The following STK4 variants were observed in gnomAD, a reference collection of about 807,000 sequenced individuals.
The protein encoded by STK4 is serine/threonine-protein kinase 4.
A neutral mutation model predicts 64.9 loss-of-function variants in STK4; 30 were observed. The ratio of observed to expected loss-of-function variants is 0.46; its 90% confidence interval spans 0.35 to 0.63. The LOEUF (loss-of-function observed/expected upper bound fraction) is 0.63. STK4 is among the 20% of genes least tolerant of loss of function. The pLI, the probability that STK4 is intolerant of heterozygous loss-of-function variation, is 0.01. For missense variants in STK4, 466 were observed against 598.5 expected, an observed-to-expected ratio of 0.78 and a Z score of 2.31; for synonymous variants, 177 against 199.0, an observed-to-expected ratio of 0.89 and a Z score of 0.93.
chr20:45,054,761 G>T (rs564305933), intron 10 of STK4, among the ~76,000 whole-genome samples: 20 of 152,160 alleles, frequency 1.3e-4, no homozygotes, highest in Admixed American at 7.2e-4. Context: ...AAGAGCAAAT[G>T]AGATTAATAC....
At chr20:44,973,737 G>T (rs2067291722) in intron 2 of STK4, among the ~76,000 whole-genome samples, 1 of 152,260 alleles carries the variant, frequency 6.6e-6, no homozygotes, top group East Asian at 1.9e-4. Flanking sequence ...CTATTTTGGA[G>T]GCTCACAATC....
chr20:45,057,998 T>G (rs1978637293), intron 10 of STK4, among the ~76,000 whole-genome samples: 1 of 151,826 alleles, frequency 6.6e-6, no homozygotes, highest in Non-Finnish European at 1.5e-5. Context: ...TTTTTTAGAG[T>G]CTTCAACCAG....
chr20:45,000,256 T>G (rs752172850), intron 7 of STK4, 136 bp from the exon 8 acceptor site: 16 of 1,194,906 alleles, frequency 1.3e-5, no homozygotes, highest in Non-Finnish European at 1.8e-5. Context: ...TTAGCTGTTG[T>G]CCGAAGCACA....
intron 9 of STK4, among the ~76,000 whole-genome samples, chr20:45,022,141 T>C (rs550657145): frequency 6.6e-6 from 1 of 152,330 alleles, no homozygotes; most frequent in African/African-American, 2.4e-5. Flanking sequence ...AAATCAACTT[T>C]AGCTTTTTGG....
intron 10 of STK4, among the ~76,000 whole-genome samples, chr20:45,043,697 A>G (rs974884294): frequency 2.0e-5 from 3 of 152,240 alleles, no homozygotes; most frequent in Non-Finnish European, 4.4e-5. Flanking sequence ...TTCAAATTTC[A>G]TATTTTTGGA....
At chr20:45,068,103 AC>A (rs1472205163) in intron 10 of STK4, among the ~76,000 whole-genome samples, 1 of 152,200 alleles carries the variant, frequency 6.6e-6, no homozygotes, top group Non-Finnish European at 1.5e-5. Context: ...TCCAAACCTC[AC>A]AACCGCTGTT....
At chr20:45,012,984 A>T (rs568543415) in intron 9 of STK4, among the ~76,000 whole-genome samples, 36 of 108,064 alleles carry the variant, frequency 3.3e-4, no homozygotes, top group African/African-American at 1.3e-3. Context: ...TTTTTTATAG[A>T]GATGGGATCT....
rs181602684 is a variant in STK4 at position 45,077,787 on chromosome 20, G to C, written c.*2611G>C. 6.6e-6 allele frequency: 1 copy of C among 152,196 alleles called. No individual in the cohort carries two copies. The highest frequency in any genetic ancestry group is 1.5e-5 in the Non-Finnish European group (1 of 68,038). 9.4% of individuals were successfully genotyped at this position (152,196 alleles called of 1,614,324 possible). A position where few individuals can be genotyped will look rare whatever the true frequency, so the allele number is the denominator to read the frequency against. ...CTAGATCCAAATAAAAGAAAGTTCA[G>C]TTTTCCCCCATAACTATTCTTGGGT... On this transcript the variant is annotated 3_prime_UTR_variant, in exon 11 of 11. Transcript: ENST00000372806.
At chr20:45,044,466 T>C (rs1172325237) in intron 10 of STK4, among the ~76,000 whole-genome samples, 1 of 151,992 alleles carries the variant, frequency 6.6e-6, no homozygotes, top group African/African-American at 2.4e-5. Context: ...GGCAACATAG[T>C]GAGACCCCAT....
intron 10 of STK4, among the ~76,000 whole-genome samples, chr20:45,043,217 G>GTA (rs967135267): frequency 2.0e-5 from 3 of 151,982 alleles, no homozygotes; most frequent in African/African-American, 7.3e-5. Flanking sequence ...ATATTCCATG[G>GTA]TATATATATA....
intron 10 of STK4, among the ~76,000 whole-genome samples, chr20:45,054,491 G>A (rs1978319822): frequency 6.7e-6 from 1 of 149,394 alleles, no homozygotes; most frequent in Admixed American, 6.7e-5. Context: ...TGAACCCGGA[G>A]TTTGAGGCTG....
Position 45,074,923 on chromosome 20 carries a change from CCCTT to C in STK4, c.1306-92_1306-89del. The C allele has an allele frequency of 2.7e-6, 4 of 1,470,478 alleles. 1 individual carries two copies. Among genetic ancestry groups the C allele is most frequent in the Middle Eastern group, 3.9e-4 (2 of 5,130 alleles). 91.1% of individuals were successfully genotyped at this position (1,470,478 alleles called of 1,614,324 possible). ...TGACCACAGTGTCTTCCTCCTGTCT[CCCTT>C]CCCTCTGGGTGCCTGGGAAGGCTGG... On this transcript the variant is annotated intron_variant, in intron 10 of 10. Transcript: ENST00000372806.
At chr20:44,987,874 T>A (rs1162012768) in intron 5 of STK4, among the ~76,000 whole-genome samples, 1 of 152,078 alleles carries the variant, frequency 6.6e-6, no homozygotes, top group East Asian at 1.9e-4. Flanking sequence ...GCAGGTATAC[T>A]CTAAAATTTG....
At chr20:45,024,714 C>T (rs1328306786) in intron 9 of STK4, among the ~76,000 whole-genome samples, 1 of 152,158 alleles carries the variant, frequency 6.6e-6, no homozygotes, top group African/African-American at 2.4e-5. Flanking sequence ...CAAATCTTTC[C>T]ATTTAGAAAG....
intron 9 of STK4, chr20:45,007,656 CAT>C (rs1290370262): frequency 7.5e-6 from 2 of 266,902 alleles, no homozygotes; most frequent in African/African-American, 4.5e-5. Flanking sequence ...GCGTTAGATC[CAT>C]AATAGAAAAC....
At chr20:45,074,222 C>A (rs886286568) in intron 10 of STK4, among the ~76,000 whole-genome samples, 1 of 152,158 alleles carries the variant, frequency 6.6e-6, no homozygotes, top group African/African-American at 2.4e-5. Flanking sequence ...GTCCTTGTAG[C>A]ATGGGTTGCT....
intron 9 of STK4, among the ~76,000 whole-genome samples, chr20:45,007,392 C>T (rs2067966208): frequency 1.3e-5 from 2 of 152,126 alleles, no homozygotes; most frequent in South Asian, 4.2e-4. Flanking sequence ...CTTAAGAATA[C>T]AAAAATTAGC....
At chr20:45,016,033 C>G (rs1448056286) in intron 9 of STK4, among the ~76,000 whole-genome samples, 3 of 152,060 alleles carry the variant, frequency 2.0e-5, no homozygotes, top group Non-Finnish European at 4.4e-5. Context: ...AGGTGCCACC[C>G]CAGGAATGCC....
intron 2 of STK4, 102 bp downstream of exon 2, chr20:44,972,260 G>T: frequency 9.7e-7 from 1 of 1,026,622 alleles, no homozygotes; most frequent in East Asian, 2.5e-5. Flanking sequence ...TCTAGGTGGG[G>T]TGGAAGGTAA....
Sources: gnomAD v4.1 joint callset for allele counts (sites outside exome capture counted in the v4.1 genomes callset) on GRCh38, gnomAD v4.1.1 for gene constraint, MANE v1.5 for transcripts, NCBI Gene and HGNC (gene_info 2026-07-23, HGNC 2026-07-21) for gene names.